AJAP1: variants seen among roughly 807,000 people sequenced by gnomAD.
AJAP1 encodes the protein adherens junction-associated protein 1.
A neutral mutation model predicts 35.0 loss-of-function variants in AJAP1; 5 were observed. That is an observed-to-expected ratio of 0.14 (90% CI 0.07 to 0.30). AJAP1 has a LOEUF of 0.30. AJAP1 is among the 10% of genes least tolerant of loss of function. AJAP1 has a pLI of 1.00. For missense variants in AJAP1, 586 were observed against 571.0 expected (o/e 1.03, Z -0.27); for synonymous variants, 284 against 249.3 (o/e 1.14, Z -1.31).
chr1:4,693,822 A>G lies in AJAP1; in HGVS notation c.30-18078A>G, dbSNP rs1639797610. 1.3e-5 allele frequency among the ~76,000 whole-genome samples: 2 copies of G among 152,164 alleles called. No individual in the cohort carries two copies. The highest frequency in any genetic ancestry group is 2.9e-5 in the Non-Finnish European group (2 of 68,026). On this transcript the variant is annotated intron_variant, in intron 1 of 5. Coordinates refer to ENST00000378191, the MANE Select transcript of AJAP1 (RefSeq NM_018836.4). This position sits in a 1 kb window ranked among gnomAD's most constrained non-coding sequence, Gnocchi z 4.4. ...AGGAAGGGGCCAAACGCGTCCTTTTATCAGGAACCCACTTGGGGGAGATAA... is the reference window on the plus strand; with the variant it reads ...AGGAAGGGGCCAAACGCGTCCTTTTGTCAGGAACCCACTTGGGGGAGATAA...
chr1:4,731,776 C>A (rs1640802671), intron 2 of AJAP1, among the ~76,000 whole-genome samples: 1 of 152,228 alleles, frequency 6.6e-6, no homozygotes. Flanking sequence ...TGTTTTCTGG[C>A]TGTTTCTGGA....
At chr1:4,779,903 G>C (rs1198427065) in intron 5 of AJAP1, among the ~76,000 whole-genome samples, 1 of 152,096 alleles carries the variant, frequency 6.6e-6, no homozygotes, top group Non-Finnish European at 1.5e-5. Flanking sequence ...CCAGCACTTT[G>C]GGAGGCTGAG....
rs1029866030 is a variant in AJAP1, at chr1:4,723,997, C to T, written c.829+11298C>T. On this transcript the variant is annotated intron_variant, in intron 2 of 5. Coordinates refer to ENST00000378191, the MANE Select transcript of AJAP1 (RefSeq NM_018836.4). This position sits in a 1 kb window ranked among gnomAD's most constrained non-coding sequence, Gnocchi z 4.3. Reference sequence around the variant, plus strand: ...GAGGTGTCCAAGAAAAGCCTGGTTTCCGAATTCTGTGTTTCTCCCCGAGGG... The same window carrying T: ...GAGGTGTCCAAGAAAAGCCTGGTTTTCGAATTCTGTGTTTCTCCCCGAGGG... 1.3e-5 allele frequency among the ~76,000 whole-genome samples: 2 copies of T among 152,128 alleles called. No individual in the cohort carries two copies. Among genetic ancestry groups the T allele is most frequent in the Non-Finnish European group, 2.9e-5 (2 of 68,016 alleles).
chr1:4,776,702 G>A (rs999221535), intron 5 of AJAP1, among the ~76,000 whole-genome samples: 1 of 152,328 alleles, frequency 6.6e-6, no homozygotes, highest in South Asian at 2.1e-4. Context: ...GCCCTGTGCT[G>A]CAGCCCCAGG....
chr1:4,709,643 C>T (rs1640181698), intron 1 of AJAP1, among the ~76,000 whole-genome samples: 1 of 152,194 alleles, frequency 6.6e-6, no homozygotes, highest in African/African-American at 2.4e-5. Flanking sequence ...GAGGAGCTAC[C>T]TTAGTGTGTA....
chr1:4,679,842 T>TA lies in AJAP1; in HGVS notation c.29+24388_29+24389insA, dbSNP rs747959775. 3.0e-5 allele frequency among the ~76,000 whole-genome samples: 4 copies of TA among 131,518 alleles called. No individual in the cohort carries two copies. The Admixed American group carries it at 3.1e-4, about 10-fold the overall frequency. The allele number at this position is 131,518 out of a possible 152,430, so 86.3% of individuals were successfully genotyped here. ...GTGTGTGTGTGTGTGTGTGTGTGTG[T>TA]GTGTGTGTGTAGAGAGAGATACTTA... On this transcript the variant is annotated intron_variant, in intron 1 of 5. Transcript: ENST00000378191.
In AJAP1 at chr1:4,719,608, G is replaced by A. The variant is rs548644764; in HGVS notation, c.829+6909G>A. 1.1e-3 allele frequency among the ~76,000 whole-genome samples: 168 copies of A among 152,224 alleles called. 1 individual carries two copies. Among genetic ancestry groups the A allele is most frequent in the Middle Eastern group, 3.4e-3 (1 of 294 alleles). Reference sequence around the variant, plus strand: ...AGAGCTCCTGCAGGCCTGGATTGTGGAGGGAGCCAGGCCAGGCCTCCACCT... The same window carrying A: ...AGAGCTCCTGCAGGCCTGGATTGTGAAGGGAGCCAGGCCAGGCCTCCACCT... On this transcript the variant is annotated intron_variant, in intron 2 of 5. Coordinates refer to ENST00000378191, the MANE Select transcript of AJAP1 (RefSeq NM_018836.4).
At chr1:4,671,355 C>T (rs898630902) in intron 1 of AJAP1, among the ~76,000 whole-genome samples, 48 of 141,772 alleles carry the variant, frequency 3.4e-4, no homozygotes, top group East Asian at 2.4e-3. Flanking sequence ...GGCAACAGAG[C>T]GAGACTCTGC....
rs1244452106 is a variant in AJAP1, at chr1:4,783,981, C to G, written c.*1496C>G. The G allele has an allele frequency of 6.6e-6, 1 of 152,122 alleles. No individual in the cohort carries two copies. The highest frequency in any genetic ancestry group is 1.9e-4 in the East Asian group (1 of 5,176). 9.4% of individuals were successfully genotyped at this position (152,122 alleles called of 1,614,324 possible). Reference sequence around the variant, plus strand: ...CAGGTGTGGCCCGCTTTTTCTAGGGCCCAAGGGTGACTTGGAATCTTGGGG... The same window carrying G: ...CAGGTGTGGCCCGCTTTTTCTAGGGGCCAAGGGTGACTTGGAATCTTGGGG... On this transcript the variant is annotated 3_prime_UTR_variant, in exon 6 of 6. Coordinates refer to ENST00000378191, the MANE Select transcript of AJAP1 (RefSeq NM_018836.4).
chr1:4,665,365 ACT>A (rs1639093545), intron 1 of AJAP1, among the ~76,000 whole-genome samples: 1 of 151,416 alleles, frequency 6.6e-6, no homozygotes, highest in Non-Finnish European at 1.5e-5. Context: ...CATTTTGGGG[ACT>A]CTTGATTAAG....
In AJAP1 at chr1:4,723,406, A is replaced by G. The variant is rs78520929; in HGVS notation, c.829+10707A>G. On this transcript the variant is annotated intron_variant, in intron 2 of 5. Coordinates refer to ENST00000378191, the MANE Select transcript of AJAP1 (RefSeq NM_018836.4). The surrounding 1 kb of genome is among the most constrained non-coding windows in gnomAD (Gnocchi z 4.3). ...GTGGAAGGTCTGGAAGGCCATGGAG[A>G]CAGTGGGGACCACTTGGACAGAGCG... Among the ~76,000 whole-genome samples, 25,930 of 152,112 alleles carry G rather than the reference A, an allele frequency of 0.17. 2,848 individuals are homozygous for G. The highest frequency in any genetic ancestry group is 0.25 in the Non-Finnish European group (17,086 of 67,958).
chr1:4,679,344 G>A (rs930976187), intron 1 of AJAP1, among the ~76,000 whole-genome samples: 3 of 152,038 alleles, frequency 2.0e-5, no homozygotes, highest in Non-Finnish European at 4.4e-5. Context: ...CTAGAACAAA[G>A]ACCCACAAAT....
chr1:4,760,263 G>A lies in AJAP1; in HGVS notation c.830-9590G>A, dbSNP rs140756385. ...TGTGTATGAGTGTGTGAGCATGTGT[G>A]TCCGTGTATGTGTGAGTGTGTGTGT... On this transcript the variant is annotated intron_variant, in intron 2 of 5. Coordinates refer to ENST00000378191, the MANE Select transcript of AJAP1 (RefSeq NM_018836.4). Among the ~76,000 whole-genome samples the A allele has an allele frequency of 2.8e-3, 429 of 151,934 alleles. 4 individuals are homozygous for A. Among genetic ancestry groups the A allele is most frequent in the African/African-American group, 9.9e-3 (410 of 41,440 alleles).
At chr1:4,725,959 C>T (rs1448697880) in intron 2 of AJAP1, among the ~76,000 whole-genome samples, 1 of 152,218 alleles carries the variant, frequency 6.6e-6, no homozygotes, top group Non-Finnish European at 1.5e-5. Flanking sequence ...GGGGGTGGAG[C>T]TTCAACATGC....
rs1457107600 is a variant in AJAP1 at position 4,787,951 on chromosome 1, G to A, written c.*5466G>A. The A allele has an allele frequency of 3.0e-6, 1 of 332,662 alleles. No individual in the cohort carries two copies. Among genetic ancestry groups the A allele is most frequent in the East Asian group, 8.4e-5 (1 of 11,930 alleles). 20.6% of individuals were successfully genotyped at this position (332,662 alleles called of 1,614,324 possible). On this transcript the variant is annotated 3_prime_UTR_variant, in exon 6 of 6. Coordinates refer to ENST00000378191, the MANE Select transcript of AJAP1 (RefSeq NM_018836.4). ...ATGCCGTGATTCATGTAATTTTTGAGTGGTTACTTTGGTGCAGTTTGTCAA... is the reference window on the plus strand; with the variant it reads ...ATGCCGTGATTCATGTAATTTTTGAATGGTTACTTTGGTGCAGTTTGTCAA...
At chr1:4,777,788 GA>G (rs1641970092) in intron 5 of AJAP1, 1 of 152,188 alleles carries the variant, frequency 6.6e-6, no homozygotes, top group African/African-American at 2.4e-5. Context: ...TAAAAAATAA[GA>G]AGTGTACCTG....
chr1:4,706,585 G>A (rs1298013609), intron 1 of AJAP1, among the ~76,000 whole-genome samples: 1 of 152,188 alleles, frequency 6.6e-6, no homozygotes, highest in Non-Finnish European at 1.5e-5. Flanking sequence ...AAGATTCTGG[G>A]CTGTTCCCCG....
intron 1 of AJAP1, among the ~76,000 whole-genome samples, chr1:4,680,610 C>T (rs1214613691): frequency 6.6e-6 from 1 of 152,216 alleles, no homozygotes; most frequent in Non-Finnish European, 1.5e-5. Flanking sequence ...TGGCCTCCAT[C>T]CAGGCCACTG....
rs752891765 is a variant in AJAP1, at chr1:4,712,609, C to G, written c.739C>G (p.Pro247Ala). The part of the protein sequence containing the change: ...TESLDPRRRI[P>A]GGVSTTEPST... ...GTCCTTGGATCCCCGGAGAAGGATC[C>G]CAGGTGGGGTTAGCACAACGGAGCC... Residue 247 changes from proline (P) to alanine (A), a missense_variant, in exon 2 of 6, where the codon CCA (proline) becomes GCA (alanine). Coordinates refer to ENST00000378191, the MANE Select transcript of AJAP1 (RefSeq NM_018836.4). 8 of 1,599,190 alleles carry G rather than the reference C, an allele frequency of 5.0e-6. No homozygotes were observed. The highest frequency in any genetic ancestry group is 2.3e-5 in the East Asian group (1 of 44,246).
Sources: gnomAD v4.1 joint callset for allele counts (sites outside exome capture counted in the v4.1 genomes callset) on GRCh38, gnomAD v4.1.1 for gene constraint, Gnocchi (gnomAD v3.1) non-coding constraint, MANE v1.5 for transcripts, NCBI Gene and HGNC (gene_info 2026-07-23, HGNC 2026-07-21) for gene names.